NDUFS3: variants seen among roughly 807,000 people sequenced by gnomAD.
NDUFS3 encodes the protein NADH dehydrogenase [ubiquinone] iron-sulfur protein 3, mitochondrial.
In NDUFS3, 19 loss-of-function variants were observed where a neutral mutation model predicts 30.8. That is an observed-to-expected ratio of 0.62 (90% CI 0.43 to 0.91). The LOEUF is 0.91. Ranked by LOEUF, NDUFS3 falls within the 40% of genes least tolerant of loss-of-function variation. The pLI is 0.00. For missense variants in NDUFS3, 331 were observed against 342.0 expected, an observed-to-expected ratio of 0.97 and a Z score of 0.25; for synonymous variants, 153 against 135.8, an observed-to-expected ratio of 1.13 and a Z score of -0.88.
At chr11:47,579,440 G>C (rs1212786319) in intron 2 of NDUFS3, 106 bp downstream of exon 2, 52 of 1,435,744 alleles carry the variant, frequency 3.6e-5, no homozygotes, top group Non-Finnish European at 4.7e-5. Context: ...GCAAATCTTG[G>C]AGATCTGACT....
In NDUFS3 at chr11:47,582,390, T is replaced by G. The variant is rs977612905; in HGVS notation, c.549T>G (p.Asp183Glu). Reference sequence around the variant, plus strand: ...GAGTCTTCTTTGCTAACCACCCTGATCTAAGAAGGATCCTGACAGATTATG... The same window carrying G: ...GAGTCTTCTTTGCTAACCACCCTGAGCTAAGAAGGATCCTGACAGATTATG... ...MFGVFFANHP[D>E]LRRILTDYGF... Residue 183 changes from aspartate (D) to glutamate (E), a missense_variant, in exon 6 of 7, where the codon GAT (aspartate) becomes GAG (glutamate). Transcript: ENST00000263774. 2 of 1,614,190 alleles carry G rather than the reference T, an allele frequency of 1.2e-6. No individual in the cohort carries two copies. Among genetic ancestry groups the G allele is most frequent in the Non-Finnish European group, 1.7e-6 (2 of 1,180,040 alleles).
intron 2 of NDUFS3, 120 bp downstream of exon 2, chr11:47,579,454 A>AGG: frequency 7.8e-7 from 1 of 1,281,172 alleles, no homozygotes; most frequent in South Asian, 1.2e-5. Context: ...TCTGACTTGC[A>AGG]GTGGTCTTCA....
At chr11:47,583,896 T>C (rs1401779567) in intron 6 of NDUFS3, among the ~76,000 whole-genome samples, 2 of 152,234 alleles carry the variant, frequency 1.3e-5, no homozygotes, top group Non-Finnish European at 2.9e-5. Flanking sequence ...GGACTGTGAA[T>C]ATGCCAAGGG....
chr11:47,583,010 G>T (rs1038307441), intron 6 of NDUFS3, among the ~76,000 whole-genome samples: 1 of 151,814 alleles, frequency 6.6e-6, no homozygotes, highest in African/African-American at 2.4e-5. Flanking sequence ...ATAAATAAAT[G>T]ATGTATGAAG....
At chr11:47,580,724 C>T (rs2097268256) in intron 3 of NDUFS3, 102 bp downstream of exon 3, 1 of 1,584,612 alleles carries the variant, frequency 6.3e-7, no homozygotes, top group South Asian at 1.1e-5. Flanking sequence ...ACAGATTCCT[C>T]CATCCCAAGC....
chr11:47,583,201 C>A (rs1031177252), intron 6 of NDUFS3, among the ~76,000 whole-genome samples: 1 of 151,952 alleles, frequency 6.6e-6, no homozygotes, highest in Non-Finnish European at 1.5e-5. Context: ...CAGGCATGCA[C>A]CAACATGCCC....
chr11:47,580,230 G>C (rs1848630584), intron 2 of NDUFS3, among the ~76,000 whole-genome samples: 2 of 152,236 alleles, frequency 1.3e-5, no homozygotes, highest in South Asian at 4.1e-4. Flanking sequence ...TGAGACTACT[G>C]CTTTAGCAGA....
In NDUFS3 at chr11:47,580,550, G is replaced by C. The variant is rs2097268070; in HGVS notation, c.159G>C (p.Val53=). 1.2e-6 allele frequency: 2 copies of C among 1,614,068 alleles called. No individual in the cohort carries two copies. Among genetic ancestry groups the C allele is most frequent in the Non-Finnish European group, 1.7e-6 (2 of 1,180,042 alleles). Reference sequence around the variant, plus strand: ...CCACTGTCAGACCACGGAATGATGTGGCCCACAAGCAGCTCTCAGCTTTTG... The same window carrying C: ...CCACTGTCAGACCACGGAATGATGTCGCCCACAAGCAGCTCTCAGCTTTTG... ...TRPTVRPRND[V]AHKQLSAFGE... Residue 53 remains valine, a synonymous_variant, in exon 3 of 7, where the codon GTG becomes GTC. Transcript: ENST00000263774.
At chr11:47,581,908 A>C (rs1163109821) in intron 4 of NDUFS3, 180 bp from the exon 5 acceptor site, 2 of 788,064 alleles carry the variant, frequency 2.5e-6, no homozygotes, top group Non-Finnish European at 4.3e-6. Flanking sequence ...GAATAGCATG[A>C]GCAAACACAG....
At chr11:47,579,540 C>T (rs972782656) in intron 2 of NDUFS3, 2 of 642,946 alleles carry the variant, frequency 3.1e-6, no homozygotes, top group African/African-American at 3.6e-5. Flanking sequence ...CCATTTCAAT[C>T]ATCCCCTTTT....
Position 47,580,638 on chromosome 11 carries a change from G to A in NDUFS3, c.231+16G>A. ...ACAAGTTCAGGTAATACTTACTAAT[G>A]TTATTTGGGTCTGGGTCAAGAAAGA... On this transcript the variant is annotated intron_variant, in intron 3 of 6. Transcript: ENST00000263774. The A allele has an allele frequency of 6.2e-7, 1 of 1,612,676 alleles. No individual in the cohort carries two copies. Among genetic ancestry groups the A allele is most frequent in the Non-Finnish European group, 8.5e-7 (1 of 1,178,640 alleles).
At chr11:47,579,984 GACACACACACACACACACACACACACAC>G (rs36201718) in intron 2 of NDUFS3, among the ~76,000 whole-genome samples, 5 of 139,394 alleles carry the variant, frequency 3.6e-5, no homozygotes, top group East Asian at 2.1e-4. Context: ...TTTTCTCATT[GACACACACACACACACACACACACACAC>G]ACACACACAC....
chr11:47,582,476 C>A lies in NDUFS3; in HGVS notation c.627+8C>A. 6.2e-7 allele frequency: 1 copy of A among 1,614,068 alleles called. No homozygotes were observed. Among genetic ancestry groups the A allele is most frequent in the South Asian group, 1.1e-5 (1 of 91,072 alleles). ...CTATCTGGCTATGTTGAGGTAGGAG[C>A]CTTGGAACTGGGACAGCAGCCTCAG... On this transcript the variant is annotated splice_region_variant and intron_variant, in intron 6 of 6. Coordinates refer to ENST00000263774, the MANE Select transcript of NDUFS3 (RefSeq NM_004551.3).
Position 47,579,238 on chromosome 11 carries a change from G to C in NDUFS3, c.68-31G>C, listed in dbSNP as rs184903513. On this transcript the variant is annotated intron_variant, in intron 1 of 6. Transcript: ENST00000263774. The stretch of plus-strand genomic sequence containing the variant: ...CAGAGAGCTCCTCAGGGCTCATCCC[G>C]CGCGTCTGTGCCTTTTATCTCCCTG... The C allele has an allele frequency of 1.2e-4, 191 of 1,614,112 alleles. 3 individuals are homozygous for C. In the African/African-American group the frequency reaches 2.0e-3, roughly 17 times the overall value.
At chr11:47,579,421 G>A (rs768349991) in intron 2 of NDUFS3, 87 bp downstream of exon 2, 11 of 1,532,380 alleles carry the variant, frequency 7.2e-6, no homozygotes, top group Non-Finnish European at 9.8e-6. Context: ...CCTTCCCTAC[G>A]TCCTCCTGGC....
In NDUFS3 at chr11:47,579,269, G is replaced by A. The variant is rs764086618; in HGVS notation, c.68G>A (p.Gly23Glu). ...GILGASALTR[G>E]TGRPSVLLLP... ...CTGTGCCTTTTATCTCCCTGTGCAGGGACTGGGCGACCCTCCGTTCTGTTG... is the reference window on the plus strand; with the variant it reads ...CTGTGCCTTTTATCTCCCTGTGCAGAGACTGGGCGACCCTCCGTTCTGTTG... The change falls in exon 2 of 7, where the codon GGG (glycine) becomes GAG (glutamate). Residue 23 changes from glycine (G) to glutamate (E), a missense_variant and splice_region_variant. Physicochemically the swap from Gly to Glu is moderately conservative, Grantham distance 98. Coordinates refer to ENST00000263774, the MANE Select transcript of NDUFS3 (RefSeq NM_004551.3). 6.2e-7 allele frequency: 1 copy of A among 1,614,182 alleles called. No individual in the cohort carries two copies. Among genetic ancestry groups the A allele is most frequent in the Admixed American group, 1.7e-5 (1 of 60,030 alleles).
chr11:47,581,636 G>C (rs2097268845), intron 4 of NDUFS3: 1 of 266,684 alleles, frequency 3.7e-6, no homozygotes, highest in South Asian at 4.3e-5. Flanking sequence ...CCAGACTCTG[G>C]GATGGAGAGA....
chr11:47,582,256 G>A, intron 5 of NDUFS3, 43 bp downstream of exon 5: 1 of 1,614,234 alleles, frequency 6.2e-7, no homozygotes, highest in Non-Finnish European at 8.5e-7. Context: ...GGCCACAGTT[G>A]CAGAACTGGT....
rs200420802 is a variant in NDUFS3 at position 47,580,855 on chromosome 11, A to T, written c.252A>T (p.Leu84Phe). The T allele has an allele frequency of 3.0e-5, 48 of 1,614,218 alleles. No individual in the cohort carries two copies. The Middle Eastern group carries it at 6.6e-4, about 22-fold the overall frequency. ...TGCAGGTGTCCTGCTTCAATGAGTT[A>T]GAGGTCTGTATCCATCCTGATGGCG... ...QQVQVSCFNELEVCIHPDGVI... is the reference protein window; with the variant it reads ...QQVQVSCFNEFEVCIHPDGVI... Residue 84 changes from leucine (L) to phenylalanine (F), a missense_variant, in exon 4 of 7, where the codon TTA (leucine) becomes TTT (phenylalanine). Physicochemically the swap from Leu to Phe is conservative, Grantham distance 22. Transcript: ENST00000263774.
Sources: allele counts gnomAD v4.1 joint callset (sites outside exome capture counted in the v4.1 genomes callset), GRCh38; gene constraint gnomAD v4.1.1; transcripts MANE v1.5; gene names NCBI Gene and HGNC (gene_info 2026-07-23, HGNC 2026-07-21).